Variants in SAMD12 observed in about 807,000 individuals in gnomAD.
SAMD12 encodes the protein sterile alpha motif domain-containing protein 12.
SAMD12 carries 9 observed loss-of-function variants against 15.0 expected under a neutral mutation model. That is an observed-to-expected ratio of 0.60 (90% confidence interval 0.36 to 1.05). SAMD12 has a LOEUF of 1.05. Among genes scored for constraint, SAMD12 ranks in the 50% least tolerant of loss-of-function variants. SAMD12 has a pLI of 0.01. For synonymous variants in SAMD12, 86 were observed against 90.1 expected, an observed-to-expected ratio of 0.96 and a Z score of 0.25; for missense variants, 230 against 234.2, an observed-to-expected ratio of 0.98 and a Z score of 0.12.
the SAMD12 span, among the ~76,000 whole-genome samples, chr8:118,154,714 C>A: frequency 5.1e-3 from 782 of 152,250 alleles, 8 homozygotes; most frequent in African/African-American, 0.016. Context: ...AGACATTGTG[C>A]ATCCTATGGC....
chr8:118,274,924 T>G (rs1813438180), intron 4 of SAMD12, among the ~76,000 whole-genome samples: 1 of 152,208 alleles, frequency 6.6e-6, no homozygotes, highest in African/African-American at 2.4e-5. Flanking sequence ...AATATTCTTG[T>G]GCATGTCTCC....
At chr8:118,530,644 G>A (rs1825660164) in intron 2 of SAMD12, among the ~76,000 whole-genome samples, 1 of 152,122 alleles carries the variant, frequency 6.6e-6, no homozygotes, top group Non-Finnish European at 1.5e-5. Context: ...CTCCCATTCT[G>A]TAGGTTGTCT....
chr8:118,588,094 CT>C (rs1827496344), intron 1 of SAMD12, among the ~76,000 whole-genome samples: 1 of 152,162 alleles, frequency 6.6e-6, no homozygotes, highest in Non-Finnish European at 1.5e-5. Flanking sequence ...CCAGATGACA[CT>C]CTGAAGACCT....
intron 1 of SAMD12, among the ~76,000 whole-genome samples, chr8:118,600,075 A>T (rs1011497762): frequency 6.6e-6 from 1 of 152,174 alleles, no homozygotes; most frequent in African/African-American, 2.4e-5. Context: ...CGTGAAAGAA[A>T]ATCTAGTCTC....
chr8:118,344,746 G>C (rs1179217738), intron 4 of SAMD12, among the ~76,000 whole-genome samples: 3 of 152,160 alleles, frequency 2.0e-5, no homozygotes, highest in Non-Finnish European at 4.4e-5. Context: ...CCATTTTTTA[G>C]TGGAATGAAA....
chr8:118,497,380 T>C (rs1257235014), intron 2 of SAMD12, among the ~76,000 whole-genome samples: 1 of 152,196 alleles, frequency 6.6e-6, no homozygotes, highest in African/African-American at 2.4e-5. Flanking sequence ...CATAGAATAC[T>C]ATGCAGCCAT....
chr8:118,490,939 A>G lies in SAMD12; in HGVS notation c.193-50978T>C, dbSNP rs964406109. Among the ~76,000 whole-genome samples, 95 of 152,194 alleles carry G rather than the reference A, an allele frequency of 6.2e-4. 1 individual carries two copies. Among genetic ancestry groups the G allele is most frequent in the Admixed American group, 1.2e-3 (19 of 15,288 alleles). On this transcript the variant is annotated intron_variant, in intron 2 of 3. Transcript: ENST00000314727. Reference sequence around the variant, plus strand: ...TTATTACAATTAAAGAAGTGGGAAAAAAAAAAAAGAACCCTGATGGAATGC... The same window carrying G: ...TTATTACAATTAAAGAAGTGGGAAAGAAAAAAAAGAACCCTGATGGAATGC...
intron 3 of SAMD12, among the ~76,000 whole-genome samples, chr8:118,403,163 G>C (rs4876821): frequency 0.5 from 76,147 of 152,082 alleles, 20,430 homozygotes; most frequent in African/African-American, 0.7. Context: ...TGACAGCCTT[G>C]CAGTTCAGTT....
chr8:118,260,015 T>C (rs1813040909), intron 4 of SAMD12, among the ~76,000 whole-genome samples: 1 of 152,118 alleles, frequency 6.6e-6, no homozygotes, highest in South Asian at 2.1e-4. Context: ...CCAAATGTTA[T>C]TCTAGGTGCT....
At chr8:118,559,681 TTAA>T (rs1826651606) in intron 2 of SAMD12, among the ~76,000 whole-genome samples, 2 of 152,338 alleles carry the variant, frequency 1.3e-5, no homozygotes, top group East Asian at 3.9e-4. Flanking sequence ...TTTGCTGTAA[TTAA>T]AAACATTCTC....
intron 4 of SAMD12, among the ~76,000 whole-genome samples, chr8:118,337,601 C>G (rs1277083162): frequency 6.6e-6 from 1 of 152,202 alleles, no homozygotes; most frequent in African/African-American, 2.4e-5. Context: ...ATGATAAAAT[C>G]TCATGGTCTC....
chr8:118,378,603 G>T lies in SAMD12; in HGVS notation c.*814C>A, dbSNP rs1173241281. On this transcript the variant is annotated 3_prime_UTR_variant, in exon 4 of 4. Transcript: ENST00000314727. Reference sequence around the variant, plus strand: ...AATAACATGAAACTTGGCTGACCCAGATTTCTCCAATATCGGTATGCATGC... The same window carrying T: ...AATAACATGAAACTTGGCTGACCCATATTTCTCCAATATCGGTATGCATGC... 1 of 985,194 alleles carries T rather than the reference G, an allele frequency of 1.0e-6. No homozygotes were observed. The highest frequency in any genetic ancestry group is 1.1e-4 in the East Asian group (1 of 8,818). 61.0% of individuals were successfully genotyped at this position (985,194 alleles called of 1,614,324 possible). A position where few individuals can be genotyped will look rare whatever the true frequency, so the allele number is the denominator to read the frequency against.
the SAMD12 span, among the ~76,000 whole-genome samples, chr8:118,158,500 A>C: frequency 6.6e-6 from 1 of 152,216 alleles, no homozygotes; most frequent in African/African-American, 2.4e-5. Flanking sequence ...GCATAGCTGC[A>C]GCATGCATTG....
At chr8:118,544,974 C>G (rs145563054) in intron 2 of SAMD12, among the ~76,000 whole-genome samples, 1 of 152,170 alleles carries the variant, frequency 6.6e-6, no homozygotes, top group Non-Finnish European at 1.5e-5. Context: ...CAACAGCAGA[C>G]GAATGAGATC....
intron 4 of SAMD12, among the ~76,000 whole-genome samples, chr8:118,296,239 T>C (rs1263669995): frequency 1.3e-5 from 2 of 152,174 alleles, no homozygotes; most frequent in Non-Finnish European, 2.9e-5. Flanking sequence ...TCTCTCCAGC[T>C]ATCTCACTGC....
At chr8:118,383,416 TAAG>T (rs1586639375) in intron 3 of SAMD12, among the ~76,000 whole-genome samples, 2 of 152,244 alleles carry the variant, frequency 1.3e-5, no homozygotes, top group East Asian at 3.9e-4. Context: ...ACCTAGGACT[TAAG>T]GAGGAAGCAA....
intron 4 of SAMD12, among the ~76,000 whole-genome samples, chr8:118,252,133 CCTGT>C (rs1269527648): frequency 6.6e-6 from 1 of 152,168 alleles, no homozygotes; most frequent in Non-Finnish European, 1.5e-5. Flanking sequence ...CTTCTAGAAT[CCTGT>C]CTGTGTTCTG....
chr8:118,214,359 C>T (rs1274104774), intron 4 of SAMD12, among the ~76,000 whole-genome samples: 1 of 152,130 alleles, frequency 6.6e-6, no homozygotes, highest in Admixed American at 6.5e-5. Context: ...GATGTCAAGA[C>T]CTTTTGTTTC....
At chr8:118,543,091 G>A (rs1433178269) in intron 2 of SAMD12, among the ~76,000 whole-genome samples, 1 of 151,946 alleles carries the variant, frequency 6.6e-6, no homozygotes, top group Non-Finnish European at 1.5e-5. Flanking sequence ...AGGAAAAGGG[G>A]GTTATCTTTG....
Sources: gnomAD v4.1 joint callset for allele counts (sites outside exome capture counted in the v4.1 genomes callset) on GRCh38, gnomAD v4.1.1 for gene constraint, MANE v1.5 for transcripts, NCBI Gene and HGNC (gene_info 2026-07-23, HGNC 2026-07-21) for gene names.